Variants in TCF12 observed in about 807,000 individuals in gnomAD.
The protein encoded by TCF12 is transcription factor 12, also known as DNA-binding protein HTF4.
Under a neutral mutation model 86.0 loss-of-function variants are expected in TCF12, and 45 were observed. The observed-to-expected ratio is 0.52, with a 90% confidence interval of 0.41 to 0.67. The LOEUF (loss-of-function observed/expected upper bound fraction) is 0.67. Among genes scored for constraint, TCF12 ranks in the 30% least tolerant of loss-of-function variants. The pLI is 0.00. For missense variants in TCF12, 881 were observed against 859.9 expected (o/e 1.02, Z -0.31); for synonymous variants, 330 against 299.6 (o/e 1.10, Z -1.05).
intron 8 of TCF12, among the ~76,000 whole-genome samples, chr15:57,199,109 G>A (rs1285031415): frequency 6.6e-6 from 1 of 152,170 alleles, no homozygotes. Flanking sequence ...ATTCTTAAAA[G>A]CTTTTGCTTG....
At chr15:57,271,073 A>G (rs59532946) in intron 18 of TCF12, among the ~76,000 whole-genome samples, 1 of 152,196 alleles carries the variant, frequency 6.6e-6, no homozygotes, top group Non-Finnish European at 1.5e-5. Context: ...CTCGAATGCC[A>G]TGCTGGGAGA....
In TCF12 at chr15:57,286,751, T is replaced by C. The variant is rs1324165429; in HGVS notation, c.*606T>C. 2 of 426,334 alleles carry C rather than the reference T, an allele frequency of 4.7e-6. No individual in the cohort carries two copies. Among genetic ancestry groups the C allele is most frequent in the African/African-American group, 2.1e-5 (1 of 48,358 alleles). 26.4% of individuals were successfully genotyped at this position (426,334 alleles called of 1,614,324 possible). ...CATATGAATAGCGTTTTCCATGAAA[T>C]AGGAAAATATTACTTGGTATAGCAT... On this transcript the variant is annotated 3_prime_UTR_variant, in exon 21 of 21. Transcript: ENST00000333725.
At chr15:57,186,492 G>A (rs150931227) in intron 6 of TCF12, among the ~76,000 whole-genome samples, 15 of 152,060 alleles carry the variant, frequency 9.9e-5, no homozygotes, top group East Asian at 3.9e-4. Flanking sequence ...GAGTGAGACC[G>A]TCTCGAAGAA....
At chr15:56,931,317 T>G (rs1202807809) in intron 3 of TCF12, among the ~76,000 whole-genome samples, 1 of 152,210 alleles carries the variant, frequency 6.6e-6, no homozygotes, top group Non-Finnish European at 1.5e-5. Context: ...CTTTCTCATC[T>G]TTTGGGCCAA....
chr15:57,088,069 T>A (rs549875489), intron 4 of TCF12, among the ~76,000 whole-genome samples: 73 of 152,322 alleles, frequency 4.8e-4, no homozygotes, highest in Admixed American at 5.9e-4. Flanking sequence ...TTTACTTCCT[T>A]TATATTTTAA....
intron 3 of TCF12, among the ~76,000 whole-genome samples, chr15:56,971,080 A>G (rs2062288912): frequency 6.6e-6 from 1 of 152,076 alleles, no homozygotes; most frequent in Admixed American, 6.6e-5. Flanking sequence ...TGTAAGAAAA[A>G]CATTTATCAC....
chr15:57,203,778 G>A (rs1401413910), intron 8 of TCF12, among the ~76,000 whole-genome samples: 1 of 152,126 alleles, frequency 6.6e-6, no homozygotes, highest in Non-Finnish European at 1.5e-5. Flanking sequence ...GGGCACGGTG[G>A]CTGTAGTCCC....
intron 16 of TCF12, 119 bp downstream of exon 16, chr15:57,253,587 A>G (rs1249875791): frequency 1.7e-6 from 2 of 1,204,248 alleles, no homozygotes; most frequent in African/African-American, 1.5e-5. Context: ...ACTTTTCAGA[A>G]TTTTCTTTAC....
intron 5 of TCF12, among the ~76,000 whole-genome samples, chr15:57,156,556 A>G (rs2054122234): frequency 6.6e-6 from 1 of 152,182 alleles, no homozygotes; most frequent in Non-Finnish European, 1.5e-5. Flanking sequence ...GAACTGGCTA[A>G]TTAACAATCA....
intron 3 of TCF12, among the ~76,000 whole-genome samples, chr15:57,016,784 A>G (rs567064066): frequency 1.3e-5 from 2 of 152,182 alleles, no homozygotes; most frequent in East Asian, 3.9e-4. Flanking sequence ...CTAAACAGCC[A>G]TGGAAAGTAG....
At chr15:57,251,550 G>T (rs1417114994) in intron 14 of TCF12, 127 bp downstream of exon 14, 2 of 888,562 alleles carry the variant, frequency 2.3e-6, no homozygotes, top group Non-Finnish European at 3.5e-6. Flanking sequence ...ACAAATGGCT[G>T]ATTCATTTGA....
chr15:57,160,661 G>C (rs1340862488), intron 5 of TCF12, among the ~76,000 whole-genome samples: 11 of 151,980 alleles, frequency 7.2e-5, no homozygotes, highest in African/African-American at 2.2e-4. Context: ...CACCTATTGA[G>C]GGTAGAGCTT....
intron 3 of TCF12, among the ~76,000 whole-genome samples, chr15:57,058,917 A>C (rs1019627126): frequency 6.6e-6 from 1 of 152,180 alleles, no homozygotes; most frequent in Non-Finnish European, 1.5e-5. Flanking sequence ...TTAGTTTACA[A>C]TTGATTGCAG....
At chr15:57,137,618 C>G (rs1224366856) in intron 5 of TCF12, among the ~76,000 whole-genome samples, 6 of 152,186 alleles carry the variant, frequency 3.9e-5, no homozygotes, top group African/African-American at 1.4e-4. Flanking sequence ...TACAGTGACT[C>G]TGCAACTGCT....
At chr15:56,987,504 G>T (rs1236351834) in intron 3 of TCF12, among the ~76,000 whole-genome samples, 4 of 152,124 alleles carry the variant, frequency 2.6e-5, no homozygotes, top group Non-Finnish European at 4.4e-5. Flanking sequence ...GTGTCTGCCT[G>T]TGTCATGAGG....
At chr15:57,273,618 T>C (rs2061248411) in intron 19 of TCF12, among the ~76,000 whole-genome samples, 1 of 152,148 alleles carries the variant, frequency 6.6e-6, no homozygotes, top group African/African-American at 2.4e-5. Flanking sequence ...GCTCTTTATG[T>C]CTTTCCTACT....
intron 6 of TCF12, among the ~76,000 whole-genome samples, chr15:57,167,015 A>G (rs1300269787): frequency 2.6e-5 from 4 of 152,148 alleles, no homozygotes; most frequent in African/African-American, 7.2e-5. Flanking sequence ...TCCTGAACAC[A>G]CAATTCACCT....
intron 5 of TCF12, chr15:57,134,578 C>A (rs1298156979): frequency 6.6e-6 from 1 of 152,000 alleles, no homozygotes; most frequent in African/African-American, 2.4e-5. Context: ...ATTTAAATTG[C>A]CTTATTTTTT....
At chr15:57,148,584 C>T (rs1283387782) in intron 5 of TCF12, among the ~76,000 whole-genome samples, 2 of 148,452 alleles carry the variant, frequency 1.3e-5, no homozygotes, top group Non-Finnish European at 3.0e-5. Context: ...ATTGTTTTTT[C>T]AAAAAATGCT....
Sources: gnomAD v4.1 joint callset for allele counts (sites outside exome capture counted in the v4.1 genomes callset) on GRCh38, gnomAD v4.1.1 for gene constraint, MANE v1.5 for transcripts, NCBI Gene and HGNC (gene_info 2026-07-23, HGNC 2026-07-21) for gene names.